The following PROS1 variants were observed in gnomAD, a reference collection of about 807,000 sequenced individuals.
PROS1 encodes protein S, also known as vitamin K-dependent protein S.
In PROS1, 29 loss-of-function variants were observed where a neutral mutation model predicts 75.9. The ratio of observed to expected loss-of-function variants is 0.38; its 90% confidence interval spans 0.28 to 0.52. The LOEUF is 0.52. Among genes scored for constraint, PROS1 ranks in the 20% least tolerant of loss-of-function variants. The pLI is 0.83. For synonymous variants in PROS1, 245 were observed against 280.6 expected, an observed-to-expected ratio of 0.87 and a Z score of 1.27; for missense variants, 680 against 810.3, an observed-to-expected ratio of 0.84 and a Z score of 1.95.
At chr3:93,947,440 T>A (rs900362143) in intron 1 of PROS1, among the ~76,000 whole-genome samples, 9 of 151,966 alleles carry the variant, frequency 5.9e-5, no homozygotes, top group African/African-American at 2.2e-4. Flanking sequence ...TCCCTAAAGA[T>A]AGGGATAACA....
At position 93,973,784 on chromosome 3, in the gene PROS1, G is replaced by T. The variant is rs1047517018; in HGVS notation, c.-35C>A. 5 of 1,579,334 alleles carry T rather than the reference G, an allele frequency of 3.2e-6. 1 individual carries two copies. Among genetic ancestry groups the T allele is most frequent in the African/African-American group, 2.7e-5 (2 of 73,910 alleles). On this transcript the variant is annotated 5_prime_UTR_variant, in exon 1 of 15. Transcript: ENST00000394236. ...CGCGGAGGCGCCGGCAGGGACGGTG[G>T]CGCGTCGCGGCGGGGACCGGAGCGC... is the stretch of plus-strand genomic sequence containing the variant.
intron 1 of PROS1, among the ~76,000 whole-genome samples, chr3:93,934,726 A>G (rs77962339): frequency 7.9e-5 from 12 of 152,164 alleles, no homozygotes; most frequent in Non-Finnish European, 1.5e-4. Flanking sequence ...AACATTAAGG[A>G]TAGGGGAGTG....
chr3:93,906,104 T>A lies in PROS1; in HGVS notation c.386A>T (p.Asp129Val). ...DQCSPLPCNE[D>V]GYMSCKDGKA... ...TCCATCTTTGCAGCTCATATATCCA[T>A]CTTCATTGCATGGCAGAGGACTACA... is the stretch of plus-strand genomic sequence containing the variant. The change falls in exon 5 of 15, where the codon GAT becomes GTT. Residue 129 changes from aspartate to valine, a missense_variant. Transcript: ENST00000394236. The A allele has an allele frequency of 6.2e-7, 1 of 1,613,968 alleles. No homozygotes were observed. Among genetic ancestry groups the A allele is most frequent in the Non-Finnish European group, 8.5e-7 (1 of 1,179,986 alleles).
intron 1 of PROS1, among the ~76,000 whole-genome samples, chr3:93,948,817 A>T (rs1331739858): frequency 6.6e-6 from 1 of 152,206 alleles, no homozygotes; most frequent in Non-Finnish European, 1.5e-5. Context: ...TTTTTAAAAG[A>T]TACCTTCCAT....
intron 1 of PROS1, among the ~76,000 whole-genome samples, chr3:93,964,673 T>A (rs1709760911): frequency 6.6e-6 from 1 of 152,196 alleles, no homozygotes; most frequent in African/African-American, 2.4e-5. Flanking sequence ...TTTTGCCCTT[T>A]GAAGCATGTG....
At chr3:93,967,547 A>G (rs949767020) in intron 1 of PROS1, among the ~76,000 whole-genome samples, 2 of 152,180 alleles carry the variant, frequency 1.3e-5, no homozygotes, top group African/African-American at 4.8e-5. Flanking sequence ...CTTTCAAAAT[A>G]TGGTTTTAAA....
chr3:93,879,661 C>A (rs559032373), intron 12 of PROS1, among the ~76,000 whole-genome samples: 1 of 152,272 alleles, frequency 6.6e-6, no homozygotes, highest in African/African-American at 2.4e-5. Context: ...TATTTCCAAG[C>A]ACACGTTTGA....
chr3:93,956,640 A>G (rs980133367), intron 1 of PROS1, among the ~76,000 whole-genome samples: 1 of 152,012 alleles, frequency 6.6e-6, no homozygotes, highest in African/African-American at 2.4e-5. Flanking sequence ...ACAAGGGTAC[A>G]TTAACATTTG....
intron 1 of PROS1, among the ~76,000 whole-genome samples, chr3:93,941,724 C>T (rs1709291211): frequency 6.6e-6 from 1 of 152,160 alleles, no homozygotes; most frequent in Non-Finnish European, 1.5e-5. Flanking sequence ...GCCTTTTTGT[C>T]CAAACAACTT....
At position 93,898,455 on chromosome 3, in the gene PROS1, C is replaced by G. The variant is rs964985824; in HGVS notation, c.842G>C (p.Ser281Thr). 4.3e-6 allele frequency: 7 copies of G among 1,612,480 alleles called. No individual in the cohort carries two copies. The highest frequency in any genetic ancestry group is 1.7e-4 in the Middle Eastern group (1 of 6,044). The change falls in exon 8 of 15, where the codon AGT (serine) becomes ACT (threonine). Residue 281 changes from serine to threonine, a missense_variant. By Grantham distance (58) the Ser-to-Thr change is moderately conservative. Transcript: ENST00000394236. The stretch of plus-strand genomic sequence containing the variant: ...GCATTGTAAAATGTTTACCTCACAA[C>G]TCTTCTGATCTTGGGCAAGTTTGAA... Reference protein sequence around the residue: ...KGFKLAQDQKSCEVVSVCLPL... With the variant: ...KGFKLAQDQKTCEVVSVCLPL...
chr3:93,965,247 G>A (rs1306555783), intron 1 of PROS1, among the ~76,000 whole-genome samples: 9 of 151,986 alleles, frequency 5.9e-5, no homozygotes, highest in Non-Finnish European at 1.0e-4. Context: ...TGTTTGTTAC[G>A]GCTCAAGCTG....
Position 93,873,122 on chromosome 3 carries a change from C to T in PROS1, c.*1123G>A, listed in dbSNP as rs1708130886. ...TATTCACATGCATTTTAAAATTATA[C>T]ACCGATTTATTATAAGTGATATAAA... On this transcript the variant is annotated 3_prime_UTR_variant, in exon 15 of 15. Coordinates refer to ENST00000394236, the MANE Select transcript of PROS1 (RefSeq NM_000313.4). 1 of 152,078 alleles carries T rather than the reference C, an allele frequency of 6.6e-6. No homozygotes were observed. The highest frequency in any genetic ancestry group is 2.1e-4 in the South Asian group (1 of 4,826). 9.4% of individuals were successfully genotyped at this position (152,078 alleles called of 1,614,324 possible). A position where few individuals can be genotyped will look rare whatever the true frequency, so the allele number is the denominator to read the frequency against.
rs2107197427 is a variant in PROS1 at position 93,924,259 on chromosome 3, A to G, written c.240T>C (p.Tyr80=). The part of the protein sequence containing the change: ...EVFENDPETD[Y]FYPKYLVCLR... ...ACTTACCTAAGTATTTTGGATAAAA[A>G]TAATCCTAGAAAGAAGAAAAAGAAA... The change falls in exon 3 of 15, where the codon TAT becomes TAC. Residue 80 remains tyrosine, a synonymous_variant. Coordinates refer to ENST00000394236, the MANE Select transcript of PROS1 (RefSeq NM_000313.4). 7.7e-7 allele frequency: 1 copy of G among 1,291,210 alleles called. No individual in the cohort carries two copies. The highest frequency in any genetic ancestry group is 1.1e-6 in the Non-Finnish European group (1 of 942,048). The allele number at this position is 1,291,210 out of a possible 1,614,324, so 80.0% of individuals were successfully genotyped here. A position where few individuals can be genotyped will look rare whatever the true frequency, so the allele number is the denominator to read the frequency against.
chr3:93,927,215 G>T (rs1264607343), intron 2 of PROS1, 35 bp downstream of exon 2: 1 of 1,611,002 alleles, frequency 6.2e-7, no homozygotes, highest in Non-Finnish European at 8.5e-7. Context: ...TGTATGTCTA[G>T]ATGTGTGAAC....
intron 1 of PROS1, among the ~76,000 whole-genome samples, chr3:93,928,011 A>ATATATTTATT (rs1235149837): frequency 2.2e-5 from 1 of 44,468 alleles, no homozygotes; most frequent in Non-Finnish European, 3.9e-5. Context: ...ATATATATAT[A>ATATATTTATT]TTTTTTTTTT....
chr3:93,949,935 G>A (rs1179028870), intron 1 of PROS1, among the ~76,000 whole-genome samples: 1 of 152,196 alleles, frequency 6.6e-6, no homozygotes, highest in Non-Finnish European at 1.5e-5. Flanking sequence ...TTCCTAGCCA[G>A]GGGAAGCCAT....
rs1485122724 is a variant in PROS1 at position 93,927,231 on chromosome 3, A to C, written c.234+19T>G. On this transcript the variant is annotated intron_variant, in intron 2 of 14. Transcript: ENST00000394236. ...GTATGTCTAGATGTGTGAACTTGAT[A>C]GTTTCCATAAATGCTTACCGTTTCC... is the stretch of plus-strand genomic sequence containing the variant. 1 of 1,612,080 alleles carries C rather than the reference A, an allele frequency of 6.2e-7. No individual in the cohort carries two copies. The highest frequency in any genetic ancestry group is 1.3e-5 in the African/African-American group (1 of 74,972).
At chr3:93,939,757 C>T (rs548728875) in intron 1 of PROS1, among the ~76,000 whole-genome samples, 39 of 152,036 alleles carry the variant, frequency 2.6e-4, no homozygotes, top group South Asian at 6.2e-4. Context: ...CCCTTTACCA[C>T]CCTAGACCCT....
At chr3:93,973,557 A>G (rs1709914357) in intron 1 of PROS1, 117 bp downstream of exon 1, 2 of 1,041,106 alleles carry the variant, frequency 1.9e-6, no homozygotes, top group Non-Finnish European at 1.5e-6. Context: ...GTCTGTCGGT[A>G]CTTACTGGAA....
Sources: allele counts gnomAD v4.1 joint callset (sites outside exome capture counted in the v4.1 genomes callset), GRCh38; gene constraint gnomAD v4.1.1; transcripts MANE v1.5; gene names NCBI Gene and HGNC (gene_info 2026-07-23, HGNC 2026-07-21).